Variants in COX10 observed in about 807,000 individuals in gnomAD.
COX10 encodes the protein protoheme IX farnesyltransferase, mitochondrial.
A neutral mutation model predicts 37.3 loss-of-function variants in COX10; 27 were observed. The ratio of observed to expected loss-of-function variants is 0.72; its 90% confidence interval spans 0.53 to 1.00. COX10 has a LOEUF of 1.00. Among genes scored for constraint, COX10 ranks in the 50% least tolerant of loss-of-function variants. COX10 has a pLI of 0.00. For missense variants in COX10, 475 were observed against 563.2 expected, an observed-to-expected ratio of 0.84 and a Z score of 1.59; for synonymous variants, 222 against 229.1, an observed-to-expected ratio of 0.97 and a Z score of 0.28.
At chr17:14,175,224 C>A (rs1317323663) in intron 5 of COX10, among the ~76,000 whole-genome samples, 1 of 147,432 alleles carries the variant, frequency 6.8e-6, no homozygotes, top group Non-Finnish European at 1.5e-5. Context: ...TAACTCAGAA[C>A]TAACTGTACA....
At chr17:14,196,517 C>T (rs1425333885) in intron 6 of COX10, among the ~76,000 whole-genome samples, 1 of 152,114 alleles carries the variant, frequency 6.6e-6, no homozygotes, top group African/African-American at 2.4e-5. Flanking sequence ...GGTGGGGACA[C>T]GTGCAAGGAT....
intron 3 of COX10, among the ~76,000 whole-genome samples, chr17:14,097,044 G>A (rs962142292): frequency 7.9e-5 from 12 of 152,026 alleles, no homozygotes; most frequent in African/African-American, 2.7e-4. Context: ...TTGTGAAAGG[G>A]CAGAATACGA....
intron 4 of COX10, among the ~76,000 whole-genome samples, chr17:14,136,229 G>C (rs560666106): frequency 3.3e-5 from 5 of 152,002 alleles, no homozygotes; most frequent in African/African-American, 1.2e-4. Context: ...ATCAAAACTG[G>C]TTTCAATTTC....
At chr17:14,135,028 A>T (rs746125421) in intron 4 of COX10, among the ~76,000 whole-genome samples, 1 of 151,774 alleles carries the variant, frequency 6.6e-6, no homozygotes, top group African/African-American at 2.4e-5. Flanking sequence ...ACAACAGTAT[A>T]TAACGATGCA....
intron 4 of COX10, among the ~76,000 whole-genome samples, chr17:14,124,405 G>A (rs780943318): frequency 1.5e-4 from 23 of 152,148 alleles, no homozygotes; most frequent in African/African-American, 3.1e-4. Flanking sequence ...ATTTCCATTC[G>A]CATAAAGTTA....
chr17:14,188,102 C>T (rs1280769804), intron 5 of COX10, among the ~76,000 whole-genome samples: 58 of 123,562 alleles, frequency 4.7e-4, no homozygotes, highest in African/African-American at 6.1e-4. Flanking sequence ...CCTTCTTCTT[C>T]TTTTTTTTTT....
chr17:14,192,007 C>A lies in COX10; in HGVS notation c.714C>A (p.Ser238=). ...RGQISPLLAV[S]FATCCAVPGV... ...TTTCCAGCCCATTGCTAGCTGTGTC[C>A]TTTGCCACTTGTTGTGCTGTTCCGG... The change falls in exon 6 of 7, where the codon TCC becomes TCA. Residue 238 remains serine (S), a synonymous_variant. Coordinates refer to ENST00000261643, the MANE Select transcript of COX10 (RefSeq NM_001303.4). 1 of 1,614,170 alleles carries A rather than the reference C, an allele frequency of 6.2e-7. No individual in the cohort carries two copies.
At chr17:14,156,230 C>A (rs986196399) in intron 4 of COX10, among the ~76,000 whole-genome samples, 1 of 151,862 alleles carries the variant, frequency 6.6e-6, no homozygotes, top group Non-Finnish European at 1.5e-5. Flanking sequence ...AATGGTAAAT[C>A]TGAATTTTTT....
intron 4 of COX10, among the ~76,000 whole-genome samples, chr17:14,157,762 G>T (rs1463378254): frequency 6.6e-6 from 1 of 152,114 alleles, no homozygotes; most frequent in Non-Finnish European, 1.5e-5. Flanking sequence ...CTCTGACTAC[G>T]GCCACACTCT....
intron 3 of COX10, among the ~76,000 whole-genome samples, chr17:14,094,467 C>A (rs1915600169): frequency 6.6e-6 from 1 of 152,024 alleles, no homozygotes; most frequent in African/African-American, 2.4e-5. Flanking sequence ...CCTGTGGTAT[C>A]CACACCTTTC....
At chr17:14,077,088 TG>T (rs1162363763) in intron 3 of COX10, 32 bp downstream of exon 3, 1 of 1,602,104 alleles carries the variant, frequency 6.2e-7, no homozygotes, top group Admixed American at 1.7e-5. Context: ...CTTACTTATT[TG>T]AAACTCTATC....
At chr17:14,117,441 T>C (rs117271305) in intron 4 of COX10, among the ~76,000 whole-genome samples, 1 of 152,228 alleles carries the variant, frequency 6.6e-6, no homozygotes, top group Non-Finnish European at 1.5e-5. Context: ...AATGCCACTC[T>C]TATAATGTGC....
chr17:14,122,616 C>A (rs1916255709), intron 4 of COX10, among the ~76,000 whole-genome samples: 1 of 152,006 alleles, frequency 6.6e-6, no homozygotes, highest in Non-Finnish European at 1.5e-5. Flanking sequence ...TTGGGATGCT[C>A]TGAAGGAGAA....
chr17:14,117,826 C>T (rs762615672), intron 4 of COX10, among the ~76,000 whole-genome samples: 29 of 151,886 alleles, frequency 1.9e-4, no homozygotes, highest in Non-Finnish European at 1.5e-4. Flanking sequence ...CTGTATCCCA[C>T]GTTCTTGCCC....
At chr17:14,118,113 A>G (rs918248819) in intron 4 of COX10, among the ~76,000 whole-genome samples, 2 of 152,032 alleles carry the variant, frequency 1.3e-5, no homozygotes, top group Admixed American at 6.6e-5. Flanking sequence ...CTTGACATCC[A>G]GCTGCTTGTG....
In COX10 at chr17:14,093,528, C is replaced by T. The variant is rs148848850; in HGVS notation, c.500-8590C>T. ...AACATTTCAAGTGGTTCTCTGCTGC[C>T]CTGCAAAGTATACTGTGAGGTTAGA... On this transcript the variant is annotated intron_variant, in intron 3 of 6. Transcript: ENST00000261643. 1.1e-3 allele frequency among the ~76,000 whole-genome samples: 166 copies of T among 152,232 alleles called. 1 individual carries two copies. Among genetic ancestry groups the T allele is most frequent in the African/African-American group, 3.6e-3 (151 of 41,556 alleles).
intron 5 of COX10, among the ~76,000 whole-genome samples, chr17:14,189,340 C>T (rs1299886513): frequency 6.6e-6 from 1 of 152,028 alleles, no homozygotes; most frequent in Non-Finnish European, 1.5e-5. Flanking sequence ...TTCATTTTTT[C>T]CTCACAAATT....
At chr17:14,188,276 A>G (rs1434735658) in intron 5 of COX10, among the ~76,000 whole-genome samples, 1 of 150,334 alleles carries the variant, frequency 6.7e-6, no homozygotes, top group African/African-American at 2.4e-5. Flanking sequence ...CAACATTATA[A>G]TATGTGCACT....
chr17:14,163,956 C>T (rs943375140), intron 5 of COX10, among the ~76,000 whole-genome samples: 1 of 152,034 alleles, frequency 6.6e-6, no homozygotes, highest in Non-Finnish European at 1.5e-5. Context: ...TGGTGTAAAG[C>T]CTTTTAGAGT....
Sources: allele counts gnomAD v4.1 joint callset (sites outside exome capture counted in the v4.1 genomes callset), GRCh38; gene constraint gnomAD v4.1.1; transcripts MANE v1.5; gene names NCBI Gene and HGNC (gene_info 2026-07-23, HGNC 2026-07-21).